NKD1: variants seen among roughly 807,000 people sequenced by gnomAD.
The protein encoded by NKD1 is NKD inhibitor of Wnt signaling pathway 1.
Under a neutral mutation model 56.0 loss-of-function variants are expected in NKD1, and 21 were observed. The observed-to-expected ratio is 0.38, with a 90% CI of 0.27 to 0.54. NKD1 has a LOEUF of 0.54. NKD1 is among the 20% of genes least tolerant of loss of function. The pLI is 0.82. For synonymous variants in NKD1, 263 were observed against 265.7 expected (o/e 0.99, Z 0.10); for missense variants, 578 against 642.7 (o/e 0.90, Z 1.09).
At chr16:50,606,900 C>T (rs1669039281) in intron 3 of NKD1, 1 of 456,496 alleles carries the variant, frequency 2.2e-6, no homozygotes, top group Admixed American at 2.3e-5. Flanking sequence ...GGCGTCCCAG[C>T]CATCTAATGA....
chr16:50,575,798 A>G, intron 3 of NKD1, among the ~76,000 whole-genome samples: 1 of 152,224 alleles, frequency 6.6e-6, no homozygotes, highest in East Asian at 1.9e-4. Context: ...TGTGGCCACC[A>G]TTTGTTGCAT....
At chr16:50,620,102 G>A (rs1477060670) in intron 4 of NKD1, among the ~76,000 whole-genome samples, 2 of 152,268 alleles carry the variant, frequency 1.3e-5, no homozygotes, top group Non-Finnish European at 2.9e-5. Context: ...GATGGACTTG[G>A]TAAACAGCAA....
At chr16:50,597,727 A>G (rs1307813675) in intron 3 of NKD1, among the ~76,000 whole-genome samples, 2 of 152,000 alleles carry the variant, frequency 1.3e-5, no homozygotes, top group East Asian at 3.9e-4. Flanking sequence ...CGGCTTTTCC[A>G]CACCCACCTT....
intron 3 of NKD1, among the ~76,000 whole-genome samples, chr16:50,601,091 T>C (rs1002681837): frequency 2.8e-4 from 43 of 152,356 alleles, no homozygotes; most frequent in African/African-American, 9.6e-4. Context: ...GCCTGGTCTG[T>C]GTGTGCAGCC....
intron 3 of NKD1, among the ~76,000 whole-genome samples, chr16:50,585,411 C>A (rs1330802162): frequency 2.4e-4 from 36 of 152,198 alleles, no homozygotes; most frequent in Admixed American, 2.4e-3. Context: ...GTGAACCCTG[C>A]CGGCCAAGGA....
intron 3 of NKD1, among the ~76,000 whole-genome samples, chr16:50,581,493 A>G (rs1961114733): frequency 6.6e-6 from 1 of 152,162 alleles, no homozygotes; most frequent in Non-Finnish European, 1.5e-5. Context: ...CAGCATGTCT[A>G]TTGCATTCCT....
At position 50,640,399 on chromosome 16, in the gene NKD1, C is replaced by T. The variant is rs745458701; in HGVS notation, c.*6618C>T. 6.6e-6 allele frequency: 1 copy of T among 152,224 alleles called. No homozygotes were observed. Among genetic ancestry groups the T allele is most frequent in the Non-Finnish European group, 1.5e-5 (1 of 68,048 alleles). 9.4% of individuals were successfully genotyped at this position (152,224 alleles called of 1,614,324 possible). On this transcript the variant is annotated 3_prime_UTR_variant, in exon 10 of 10. Coordinates refer to ENST00000268459, the MANE Select transcript of NKD1 (RefSeq NM_033119.5). ...GCTGACCTTTGCTGTTTTTTCCCTTCCCAACAAGGCCTCACTTTTTGGAGC... is the reference window on the plus strand; with the variant it reads ...GCTGACCTTTGCTGTTTTTTCCCTTTCCAACAAGGCCTCACTTTTTGGAGC...
chr16:50,628,808 T>C (rs1962278433), intron 6 of NKD1, among the ~76,000 whole-genome samples: 1 of 152,090 alleles, frequency 6.6e-6, no homozygotes, highest in African/African-American at 2.4e-5. Flanking sequence ...TTAGCAGAAA[T>C]TTATTCCTCA....
rs1962414183 is a variant in NKD1, at chr16:50,634,028, T to C, written c.*247T>C. 2.7e-6 allele frequency: 1 copy of C among 376,842 alleles called. No individual in the cohort carries two copies. Among genetic ancestry groups the C allele is most frequent in the African/African-American group, 2.1e-5 (1 of 47,774 alleles). The allele number at this position is 376,842 out of a possible 1,614,324, so 23.3% of individuals were successfully genotyped here. A position where few individuals can be genotyped will look rare whatever the true frequency, so the allele number is the denominator to read the frequency against. ...GACTCTGGTTTTGAGTGGCCTGTAA[T>C]GGGCAGAGGCTCCCTCGGGGCTCGG... On this transcript the variant is annotated 3_prime_UTR_variant, in exon 10 of 10. Transcript: ENST00000268459.
chr16:50,608,625 C>T (rs916698675), intron 4 of NKD1, among the ~76,000 whole-genome samples: 8 of 152,242 alleles, frequency 5.3e-5, no homozygotes, highest in Middle Eastern at 6.8e-3. Context: ...TGGGGGATCT[C>T]GGACAGGTTG....
intron 3 of NKD1, among the ~76,000 whole-genome samples, chr16:50,590,570 T>G (rs1424033722): frequency 6.6e-6 from 1 of 152,214 alleles, no homozygotes; most frequent in Non-Finnish European, 1.5e-5. Context: ...TTTACAAATG[T>G]GAGCTAATTT....
intron 3 of NKD1, among the ~76,000 whole-genome samples, chr16:50,590,810 G>A (rs1242342925): frequency 6.6e-6 from 1 of 152,076 alleles, no homozygotes; most frequent in Non-Finnish European, 1.5e-5. Context: ...TTAGCATTAA[G>A]CCTTTTTTTT....
At chr16:50,583,379 A>G (rs1241872815) in intron 3 of NKD1, among the ~76,000 whole-genome samples, 1 of 152,108 alleles carries the variant, frequency 6.6e-6, no homozygotes, top group Non-Finnish European at 1.5e-5. Flanking sequence ...AGTTCTCCCA[A>G]TGTCCCAATT....
chr16:50,572,863 C>T (rs1299468680), intron 3 of NKD1: 102 of 984,600 alleles, frequency 1.0e-4, no homozygotes, highest in Non-Finnish European at 1.2e-4. Flanking sequence ...AAGTCAGTCT[C>T]TGGAGCCAAC....
chr16:50,611,095 C>A (rs1177308274), intron 4 of NKD1, among the ~76,000 whole-genome samples: 3 of 152,202 alleles, frequency 2.0e-5, no homozygotes, highest in East Asian at 1.9e-4. Context: ...GCGGCTTGGG[C>A]CCCACGGGGA....
At chr16:50,605,321 A>G (rs1421241410) in intron 3 of NKD1, among the ~76,000 whole-genome samples, 6 of 152,226 alleles carry the variant, frequency 3.9e-5, no homozygotes, top group Non-Finnish European at 7.3e-5. Context: ...GGTTGAGGCC[A>G]CTTTCTTTGT....
chr16:50,629,679 G>A (rs1164465480), intron 6 of NKD1, among the ~76,000 whole-genome samples: 2 of 152,212 alleles, frequency 1.3e-5, no homozygotes, highest in South Asian at 2.1e-4. Context: ...CTGGAGGATC[G>A]CTTGGGACTG....
At chr16:50,561,415 A>G (rs1960630666) in intron 3 of NKD1, among the ~76,000 whole-genome samples, 1 of 151,746 alleles carries the variant, frequency 6.6e-6, no homozygotes, top group Non-Finnish European at 1.5e-5. Context: ...AAAAGTCCAA[A>G]GATTAGTGAC....
chr16:50,549,706 A>C, intron 3 of NKD1, 151 bp downstream of exon 3: 1 of 814,378 alleles, frequency 1.2e-6, no homozygotes, highest in Non-Finnish European at 1.8e-6. Context: ...CACCAACGCG[A>C]CCCTCTGCCC....
Sources: gnomAD v4.1 joint callset for allele counts (sites outside exome capture counted in the v4.1 genomes callset) on GRCh38, gnomAD v4.1.1 for gene constraint, MANE v1.5 for transcripts, NCBI Gene and HGNC (gene_info 2026-07-23, HGNC 2026-07-21) for gene names.